Variants in TRPM3 observed in about 807,000 individuals in gnomAD.
TRPM3 encodes long transient receptor potential channel 3.
A neutral mutation model predicts 181.2 loss-of-function variants in TRPM3; 77 were observed. The observed-to-expected ratio is 0.42, with a 90% confidence interval of 0.35 to 0.51. The LOEUF is 0.51. TRPM3 is among the 20% of genes least tolerant of loss of function. The pLI is 0.01. For synonymous variants in TRPM3, 745 were observed against 796.4 expected (o/e 0.94, Z 1.09); for missense variants, 1,759 against 2,196.7 (o/e 0.80, Z 3.98).
At chr9:70,959,318 A>G (rs2097112899) in intron 1 of TRPM3, among the ~76,000 whole-genome samples, 1 of 152,090 alleles carries the variant, frequency 6.6e-6, no homozygotes, top group South Asian at 2.1e-4. Flanking sequence ...AACAATAAAC[A>G]TGATAATAAT....
intron 1 of TRPM3, among the ~76,000 whole-genome samples, chr9:71,010,065 T>C (rs1174817341): frequency 1.3e-5 from 2 of 152,100 alleles, no homozygotes; most frequent in Non-Finnish European, 2.9e-5. Flanking sequence ...TTTCTCATAA[T>C]ATGCAAAAAT....
intron 25 of TRPM3, 99 bp downstream of exon 25, chr9:70,549,443 A>G: frequency 7.0e-7 from 1 of 1,423,522 alleles, no homozygotes; most frequent in Non-Finnish European, 9.4e-7. Flanking sequence ...AAAAACAAAC[A>G]CAAAAGATCT....
In TRPM3 at chr9:70,534,602, G is replaced by T. The variant is rs1297747479; in HGVS notation, c.*1351C>A. ...TATTTGCTTTCTATTTTGGTCTACT[G>T]TATCTTTTTTTATAGCTCTGTCTAT... On this transcript the variant is annotated 3_prime_UTR_variant, in exon 26 of 26. Coordinates refer to ENST00000677713, the MANE Select transcript of TRPM3 (RefSeq NM_001366145.2). The T allele has an allele frequency of 6.6e-6, 1 of 152,058 alleles. No individual in the cohort carries two copies. Among genetic ancestry groups the T allele is most frequent in the South Asian group, 2.1e-4 (1 of 4,812 alleles). 9.4% of individuals were successfully genotyped at this position (152,058 alleles called of 1,614,324 possible).
Position 71,013,055 on chromosome 9 carries a change from A to G in TRPM3, c.177+108123T>C, listed in dbSNP as rs759717520. On this transcript the variant is annotated intron_variant, in intron 1 of 25. Coordinates refer to ENST00000677713, the MANE Select transcript of TRPM3 (RefSeq NM_001366145.2). The stretch of plus-strand genomic sequence containing the variant: ...TATGTACACATACACGCATATTTGT[A>G]CAGATGCTACACATATACACACAGG... Among the ~76,000 whole-genome samples, 139 of 152,124 alleles carry G rather than the reference A, an allele frequency of 9.1e-4. 1 individual carries two copies. The highest frequency in any genetic ancestry group is 2.1e-4 in the Non-Finnish European group (14 of 67,946).
At chr9:71,064,999 T>C (rs577108605) in intron 1 of TRPM3, among the ~76,000 whole-genome samples, 15 of 152,270 alleles carry the variant, frequency 9.9e-5, no homozygotes, top group African/African-American at 3.6e-4. Context: ...GAATTAGTTT[T>C]GAACAAGGTA....
intron 1 of TRPM3, among the ~76,000 whole-genome samples, chr9:71,248,292 AACTCTGGCCAATGAG>A (rs2082150421): frequency 6.6e-6 from 1 of 152,222 alleles, no homozygotes; most frequent in Non-Finnish European, 1.5e-5. Context: ...GTGTTCAACC[AACTCTGGCCAATGAG>A]ACCCGAGGGA....
chr9:71,092,998 T>C (rs941252973), intron 1 of TRPM3, among the ~76,000 whole-genome samples: 1 of 152,146 alleles, frequency 6.6e-6, no homozygotes, highest in Non-Finnish European at 1.5e-5. Context: ...GATTCTCTAT[T>C]TAATAAATGG....
rs117858032 is a variant in TRPM3 at position 71,069,252 on chromosome 9, G to A, written c.177+51926C>T. 5.0e-3 allele frequency among the ~76,000 whole-genome samples: 755 copies of A among 152,230 alleles called. 18 individuals carry two copies. The East Asian group carries it at 0.077, about 16-fold the overall frequency. On this transcript the variant is annotated intron_variant, in intron 1 of 25. Transcript: ENST00000677713. Reference sequence around the variant, plus strand: ...GGCTGGAGTGCAGTGGCGCCATCTCGGCCCACCTCTGCCTCACAGGTTCAA... The same window carrying A: ...GGCTGGAGTGCAGTGGCGCCATCTCAGCCCACCTCTGCCTCACAGGTTCAA...
intron 3 of TRPM3, among the ~76,000 whole-genome samples, chr9:70,852,770 C>G (rs1405026135): frequency 6.6e-6 from 1 of 152,196 alleles, no homozygotes; most frequent in South Asian, 2.1e-4. Context: ...TGAGGCTTTC[C>G]TCACTTCTCC....
intron 18 of TRPM3, among the ~76,000 whole-genome samples, chr9:70,611,070 C>T (rs1461628482): frequency 2.6e-5 from 4 of 152,164 alleles, no homozygotes; most frequent in Non-Finnish European, 5.9e-5. Flanking sequence ...GAAGGCCAGG[C>T]TTCAGGAATC....
chr9:71,219,328 C>T (rs940739387), intron 1 of TRPM3, among the ~76,000 whole-genome samples: 3 of 152,168 alleles, frequency 2.0e-5, no homozygotes, highest in African/African-American at 4.8e-5. Flanking sequence ...ATGCTTTAAT[C>T]TTTTAAATAG....
At chr9:70,652,508 A>G (rs894437114) in intron 9 of TRPM3, among the ~76,000 whole-genome samples, 3 of 152,168 alleles carry the variant, frequency 2.0e-5, no homozygotes, top group Non-Finnish European at 4.4e-5. Context: ...ATACTCAGGA[A>G]CTTTGACACC....
intron 9 of TRPM3, among the ~76,000 whole-genome samples, chr9:70,645,176 A>C (rs940584568): frequency 6.6e-6 from 1 of 152,192 alleles, no homozygotes; most frequent in African/African-American, 2.4e-5. Flanking sequence ...TCAAGCTACC[A>C]TTGACTTTCT....
intron 1 of TRPM3, among the ~76,000 whole-genome samples, chr9:71,359,300 CGCAT>C (rs1348069183): frequency 2.6e-5 from 4 of 152,144 alleles, no homozygotes; most frequent in Admixed American, 1.3e-4. Context: ...TGTGTATGTG[CGCAT>C]GCATGCACGT....
intron 1 of TRPM3, among the ~76,000 whole-genome samples, chr9:71,337,054 A>C (rs2090608100): frequency 6.6e-6 from 1 of 152,200 alleles, no homozygotes; most frequent in Non-Finnish European, 1.5e-5. Context: ...CAAGGACTTC[A>C]TGACTAAAAC....
At chr9:70,943,435 A>T (rs1418237971) in intron 1 of TRPM3, among the ~76,000 whole-genome samples, 1 of 152,224 alleles carries the variant, frequency 6.6e-6, no homozygotes, top group African/African-American at 2.4e-5. Context: ...ATATGCCCTC[A>T]CTTTTAAACT....
chr9:71,087,602 A>G (rs1018471561), intron 1 of TRPM3, among the ~76,000 whole-genome samples: 1 of 152,070 alleles, frequency 6.6e-6, no homozygotes, highest in African/African-American at 2.4e-5. Flanking sequence ...CCCTCAATAT[A>G]TTTGTACCTC....
chr9:71,123,094 G>T (rs550248641), upstream of TRPM3, among the ~76,000 whole-genome samples: 2 of 152,148 alleles, frequency 1.3e-5, no homozygotes, highest in Non-Finnish European at 2.9e-5. Flanking sequence ...TAACATACTA[G>T]TATAACTGGA....
rs2074551346 is a variant in TRPM3, at chr9:71,133,973, T to TGTG, written c.184-269463_184-269462insCAC. Among the ~76,000 whole-genome samples the TGTG allele has an allele frequency of 1.9e-4, 28 of 148,572 alleles. No homozygotes were observed. In the East Asian group the frequency reaches 5.7e-3, roughly 30 times the overall value. On this transcript the variant is annotated intron_variant, in intron 1 of 24. Transcript: ENST00000357533. The stretch of plus-strand genomic sequence containing the variant: ...TGCCTACTATCTAAACTGTGTGTGT[T>TGTG]TGTGTGTGTGTGTGTGTGTGTGTGT...
Sources: allele counts gnomAD v4.1 joint callset (sites outside exome capture counted in the v4.1 genomes callset), GRCh38; gene constraint gnomAD v4.1.1; transcripts MANE v1.5; gene names NCBI Gene and HGNC (gene_info 2026-07-23, HGNC 2026-07-21).